NRK: variants seen among roughly 807,000 people sequenced by gnomAD.
NRK encodes the protein Nik related kinase.
A neutral mutation model predicts 125.2 loss-of-function variants in NRK; 67 were observed. The ratio of observed to expected loss-of-function variants is 0.54; its 90% CI spans 0.44 to 0.66. NRK has a LOEUF of 0.66. Ranked by LOEUF, NRK falls within the 30% of genes least tolerant of loss-of-function variation. The pLI, the probability that NRK is intolerant of heterozygous loss-of-function variation, is 0.00. For synonymous variants in NRK, 458 were observed against 429.0 expected, an observed-to-expected ratio of 1.07 and a Z score of -0.84; for missense variants, 1,224 against 1,192.9, an observed-to-expected ratio of 1.03 and a Z score of -0.38.
At position 105,958,212 on chromosome X, in the gene NRK, A is replaced by G. The variant is rs948154362; in HGVS notation, c.*2612A>G. 8.9e-6 allele frequency: 1 copy of G among 112,629 alleles called. No individual in the cohort carries two copies. Among genetic ancestry groups the G allele is most frequent in the Non-Finnish European group, 1.9e-5 (1 of 53,362 alleles). The allele number at this position is 112,629 out of a possible 1,213,427, so 9.3% of individuals were successfully genotyped here. A position where few individuals can be genotyped will look rare whatever the true frequency, so the allele number is the denominator to read the frequency against. On this transcript the variant is annotated 3_prime_UTR_variant, in exon 29 of 29. Coordinates refer to ENST00000243300, the MANE Select transcript of NRK (RefSeq NM_198465.4). ...GCTGATAAGAAAATTTCTGACTGTC[A>G]GTAGAAGTGAGATAAGATCCTCAGA...
chrX:105,902,714 A>C (rs2040174735), intron 9 of NRK, among the ~76,000 whole-genome samples: 1 of 111,861 alleles, frequency 8.9e-6, no homozygotes, highest in South Asian at 3.8e-4. Context: ...TCAGATCAGC[A>C]ACGGCATTAG....
intron 15 of NRK, among the ~76,000 whole-genome samples, chrX:105,916,948 GA>G (rs2040373378): frequency 9.0e-6 from 1 of 111,210 alleles, no homozygotes; most frequent in Non-Finnish European, 1.9e-5. Context: ...TGGGGCCATG[GA>G]AAAAAGTTTG....
chrX:105,930,441 T>C (rs763516991), intron 19 of NRK, among the ~76,000 whole-genome samples: 3 of 110,692 alleles, frequency 2.7e-5, no homozygotes, highest in Admixed American at 1.9e-4. Flanking sequence ...TGATACCTAT[T>C]CCTTTGTTGA....
Position 105,822,821 on chromosome X carries a change from C to T in NRK, c.-25C>T, listed in dbSNP as rs755214756. On this transcript the variant is annotated 5_prime_UTR_variant, in exon 1 of 29. Transcript: ENST00000243300. ...TCTGCGCGCACCCAATTCAGTCGCC[C>T]GCTCCCGTTCGGCTCCTCGAAGCCA... is the stretch of plus-strand genomic sequence containing the variant. 3 of 1,163,024 alleles carry T rather than the reference C, an allele frequency of 2.6e-6. No individual in the cohort carries two copies. Among genetic ancestry groups the T allele is most frequent in the Non-Finnish European group, 3.5e-6 (3 of 869,012 alleles).
chrX:105,842,048 G>C (rs933765964), intron 2 of NRK, among the ~76,000 whole-genome samples: 1 of 111,111 alleles, frequency 9.0e-6, no homozygotes, highest in Non-Finnish European at 1.9e-5. Flanking sequence ...TCATAATATA[G>C]TATATTCAGC....
At chrX:105,929,873 G>GT (rs2040572999) in intron 19 of NRK, among the ~76,000 whole-genome samples, 1 of 111,393 alleles carries the variant, frequency 9.0e-6, no homozygotes, top group Admixed American at 9.5e-5. Context: ...GGGCTATCAG[G>GT]TTTTTTCCAG....
At chrX:105,953,677 G>T (rs1419650475) in intron 28 of NRK, among the ~76,000 whole-genome samples, 2 of 111,597 alleles carry the variant, frequency 1.8e-5, no homozygotes, top group East Asian at 5.6e-4. Context: ...GTGTTATGAT[G>T]TTTATTTTGC....
intron 2 of NRK, among the ~76,000 whole-genome samples, chrX:105,836,921 T>C (rs189275603): frequency 1.8e-5 from 2 of 112,509 alleles, no homozygotes. Flanking sequence ...GGTAAATACC[T>C]GTTAAACGGC....
chrX:105,912,110 A>C (rs2040309579), intron 13 of NRK, among the ~76,000 whole-genome samples: 1 of 111,511 alleles, frequency 9.0e-6, no homozygotes, highest in Non-Finnish European at 1.9e-5. Flanking sequence ...CAAAAAATGC[A>C]TTTTTATTAA....
intron 2 of NRK, among the ~76,000 whole-genome samples, chrX:105,863,516 A>C (rs928608930): frequency 4.5e-5 from 5 of 111,877 alleles, no homozygotes; most frequent in Admixed American, 1.9e-4. Flanking sequence ...CAGCAGCCAT[A>C]AATTTCTGAA....
At chrX:105,834,444 T>G (rs912599986) in intron 2 of NRK, among the ~76,000 whole-genome samples, 2 of 108,993 alleles carry the variant, frequency 1.8e-5, no homozygotes, top group Non-Finnish European at 3.8e-5. Flanking sequence ...TGTCTGGAGG[T>G]GTGTGCGTGT....
rs35484681 is a variant in NRK, at chrX:105,859,950, A to T, written c.124-20249A>T. Among the ~76,000 whole-genome samples the T allele has an allele frequency of 5.3e-3, 590 of 111,982 alleles. 1 individual carries two copies. The highest frequency in any genetic ancestry group is 6.1e-3 in the Non-Finnish European group (323 of 53,178). On this transcript the variant is annotated intron_variant, in intron 2 of 28. Coordinates refer to ENST00000243300, the MANE Select transcript of NRK (RefSeq NM_198465.4). ...GCTTAGATGACCCTGAACCCCTTGA[A>T]GGTGAAGTCCTTGACTTAATTTGTT...
chrX:105,918,323 G>A (rs2040392444), intron 16 of NRK, among the ~76,000 whole-genome samples: 1 of 111,214 alleles, frequency 9.0e-6, no homozygotes. Context: ...CATGCAATCT[G>A]GCATTATCCA....
chrX:105,909,809 G>T lies in NRK; in HGVS notation c.2168G>T (p.Arg723Leu), dbSNP rs758469754. 14 of 1,180,043 alleles carry T rather than the reference G, an allele frequency of 1.2e-5. No homozygotes were observed. The highest frequency in any genetic ancestry group is 1.6e-5 in the Non-Finnish European group (14 of 877,311). The change falls in exon 13 of 29, where the codon CGC becomes CTC. Residue 723 changes from arginine to leucine, a missense_variant. Arg to Leu is a moderately radical substitution (Grantham distance 102). Transcript: ENST00000243300. Reference sequence around the variant, plus strand: ...CTTGAACTCTCGGATTTAGAAGCCCGCAGGCAAAGGCGCCAACGCAGATGG... The same window carrying T: ...CTTGAACTCTCGGATTTAGAAGCCCTCAGGCAAAGGCGCCAACGCAGATGG... ...EKLELSDLEA[R>L]RQRRQRRWED...
At chrX:105,925,634 G>A (rs950729527) in intron 19 of NRK, among the ~76,000 whole-genome samples, 3 of 110,778 alleles carry the variant, frequency 2.7e-5, no homozygotes, top group South Asian at 3.8e-4. Context: ...CTCTAGAAAC[G>A]ACTATTTACT....
chrX:105,841,502 T>C (rs1442433456), intron 2 of NRK, among the ~76,000 whole-genome samples: 4 of 111,438 alleles, frequency 3.6e-5, no homozygotes, highest in Non-Finnish European at 7.5e-5. Context: ...CTAAGAAAGC[T>C]CCTTTTGGGT....
chrX:105,917,338 G>T (rs1343883826), intron 15 of NRK, among the ~76,000 whole-genome samples: 1 of 110,467 alleles, frequency 9.1e-6, no homozygotes, highest in Non-Finnish European at 1.9e-5. Flanking sequence ...ATATATAAAG[G>T]AAACATATAC....
intron 2 of NRK, among the ~76,000 whole-genome samples, chrX:105,858,408 A>G (rs899600646): frequency 9.8e-6 from 1 of 102,557 alleles, no homozygotes; most frequent in South Asian, 4.3e-4. Context: ...ACTTTTTTCT[A>G]TTATAAAGGG....
intron 9 of NRK, 60 bp downstream of exon 9, chrX:105,900,732 C>A: frequency 1.4e-6 from 1 of 702,693 alleles, no homozygotes; most frequent in Non-Finnish European, 2.2e-6. Context: ...ACAAATCATA[C>A]AAATCTCTCT....
Sources: gnomAD v4.1 joint callset for allele counts (sites outside exome capture counted in the v4.1 genomes callset) on GRCh38, gnomAD v4.1.1 for gene constraint, MANE v1.5 for transcripts, NCBI Gene and HGNC (gene_info 2026-07-23, HGNC 2026-07-21) for gene names.